Variants in DNM1 observed in about 807,000 individuals in gnomAD.
DNM1 encodes the protein dynamin 1, also known as dynamin-1.
Under a neutral mutation model 104.6 loss-of-function variants are expected in DNM1, and 29 were observed. The ratio of observed to expected loss-of-function variants is 0.28; its 90% confidence interval spans 0.21 to 0.38. The LOEUF is 0.38. Among genes scored for constraint, DNM1 ranks in the 10% least tolerant of loss-of-function variants. The probability of loss-of-function intolerance (pLI) is 1.00; values close to 1 mark genes in which losing one functional copy is unlikely to be tolerated. For missense variants in DNM1, 640 were observed against 1,189.4 expected (o/e 0.54, Z 6.79); for synonymous variants, 445 against 475.8 (o/e 0.94, Z 0.84).
intron 21 of DNM1, 36 bp downstream of exon 21, chr9:128,250,976 G>A (rs1339104623): frequency 1.6e-6 from 2 of 1,223,702 alleles, no homozygotes; most frequent in Non-Finnish European, 2.3e-6. Context: ...AGAGGCTGCC[G>A]GACGGGCGTG....
Position 128,203,582 on chromosome 9 carries a change from G to T in DNM1, c.112G>T (p.Gly38Cys). The change falls in exon 1 of 22, where the codon GGC becomes TGC. Residue 38 changes from glycine (G) to cysteine (C), a missense_variant. By Grantham distance (159) the Gly-to-Cys change is radical. Around this residue, in one of 7 missense-constraint regions of DNM1, gnomAD observed 172 missense variants for 335.3 expected, o/e 0.51. Transcript: ENST00000372923. This position sits in a 1 kb window ranked among gnomAD's most constrained non-coding sequence, Gnocchi z 5.3. ...DLDLPQIAVV[G>C]GQSAGKSSVL... is the part of the protein sequence containing the mutation. ...CGACCTGCCGCAGATCGCTGTGGTGGGCGGCCAGAGCGCCGGCAAGAGCTC... is the reference window on the plus strand; with the variant it reads ...CGACCTGCCGCAGATCGCTGTGGTGTGCGGCCAGAGCGCCGGCAAGAGCTC... 1 of 1,552,144 alleles carries T rather than the reference G, an allele frequency of 6.4e-7. No homozygotes were observed. Among genetic ancestry groups the T allele is most frequent in the Non-Finnish European group, 8.7e-7 (1 of 1,153,136 alleles).
At chr9:128,209,831 G>T (rs1200461662) in intron 1 of DNM1, among the ~76,000 whole-genome samples, 1 of 152,196 alleles carries the variant, frequency 6.6e-6, no homozygotes, top group Non-Finnish European at 1.5e-5. Flanking sequence ...TGGGGCATCT[G>T]AGCGTAGCCT....
Position 128,243,098 on chromosome 9 carries a change from C to G in DNM1, c.1671+753C>G, listed in dbSNP as rs1438448568. On this transcript the variant is annotated intron_variant, in intron 15 of 21. Coordinates refer to ENST00000372923, the MANE Select transcript of DNM1 (RefSeq NM_004408.4). This position sits in a 1 kb window ranked among gnomAD's most constrained non-coding sequence, Gnocchi z 4.0. ...ACCCCTGCAGTCCAAGGGAAATGAC[C>G]AGGGTGCCCTCAGGCTGAGGGGCAA... 6.6e-6 allele frequency among the ~76,000 whole-genome samples: 1 copy of G among 152,174 alleles called. No homozygotes were observed. Among genetic ancestry groups the G allele is most frequent in the East Asian group, 1.9e-4 (1 of 5,200 alleles).
intron 21 of DNM1, chr9:128,252,868 G>T (rs1476572738): frequency 2.0e-5 from 14 of 685,150 alleles, no homozygotes; most frequent in South Asian, 6.1e-5. Flanking sequence ...GCATGCCCCA[G>T]ATCCATGCTG....
In DNM1 at chr9:128,243,781, G is replaced by A. The variant is rs1403699018; in HGVS notation, c.1671+1436G>A. On this transcript the variant is annotated intron_variant, in intron 15 of 21. Coordinates refer to ENST00000372923, the MANE Select transcript of DNM1 (RefSeq NM_004408.4). The surrounding 1 kb of genome is among the most constrained non-coding windows in gnomAD (Gnocchi z 4.0). ...GTGACACTGTGGGGGAGGGGCACGT[G>A]CCACTGAGGGGGTCCCCTGATCTCA... Among the ~76,000 whole-genome samples, 1 of 152,154 alleles carries A rather than the reference G, an allele frequency of 6.6e-6. No homozygotes were observed. The highest frequency in any genetic ancestry group is 1.5e-5 in the Non-Finnish European group (1 of 68,018).
rs1835245576 is a variant in DNM1, at chr9:128,224,803, C to G, written c.1335+414C>G. The stretch of plus-strand genomic sequence containing the variant: ...ATGCAGGGCCTTCTCGGGCACTGCT[C>G]GGTGGGCCTGGGTGGCCAGAGGGGG... On this transcript the variant is annotated intron_variant, in intron 10 of 21. Coordinates refer to ENST00000372923, the MANE Select transcript of DNM1 (RefSeq NM_004408.4). This position sits in a 1 kb window ranked among gnomAD's most constrained non-coding sequence, Gnocchi z 4.3. Among the ~76,000 whole-genome samples the G allele has an allele frequency of 6.6e-6, 1 of 152,142 alleles. No homozygotes were observed. Among genetic ancestry groups the G allele is most frequent in the African/African-American group, 2.4e-5 (1 of 41,426 alleles).
Position 128,253,330 on chromosome 9 carries a change from A to T in DNM1, c.2535-1324A>T. The T allele has an allele frequency of 1.7e-6, 1 of 605,064 alleles. No individual in the cohort carries two copies. Among genetic ancestry groups the T allele is most frequent in the Non-Finnish European group, 2.9e-6 (1 of 339,678 alleles). The allele number at this position is 605,064 out of a possible 1,614,324, so 37.5% of individuals were successfully genotyped here. A position where few individuals can be genotyped will look rare whatever the true frequency, so the allele number is the denominator to read the frequency against. ...ACCTCCCTTCCCTGCGAGCCTCGGG[A>T]CTCAGTGCCACTGCCCAAGGCCTCC... On this transcript the variant is annotated intron_variant, in intron 21 of 21. Transcript: ENST00000372923. This position sits in a 1 kb window ranked among gnomAD's most constrained non-coding sequence, Gnocchi z 5.9.
At chr9:128,246,197 G>T (rs1337436450) in intron 15 of DNM1, among the ~76,000 whole-genome samples, 197 bp from the exon 16 acceptor site, 1 of 152,160 alleles carries the variant, frequency 6.6e-6, no homozygotes, top group African/African-American at 2.4e-5. Context: ...ATGCAGAGCT[G>T]GTAGGACTGG....
At chr9:128,227,985 C>T (rs1416225979) in intron 10 of DNM1, among the ~76,000 whole-genome samples, 1 of 151,182 alleles carries the variant, frequency 6.6e-6, no homozygotes, top group Admixed American at 6.6e-5. Context: ...AGTAGTGGGA[C>T]TTCAAGCACT....
rs1229058584 is a variant in DNM1, at chr9:128,243,239, T to C, written c.1671+894T>C. Among the ~76,000 whole-genome samples, 2 of 152,294 alleles carry C rather than the reference T, an allele frequency of 1.3e-5. No individual in the cohort carries two copies. Among genetic ancestry groups the C allele is most frequent in the Admixed American group, 6.5e-5 (1 of 15,302 alleles). ...CTGGTCTCCTTTAAGAATGAGTCTA[T>C]TTGGCTTTCACATCTGGATTCCAGA... On this transcript the variant is annotated intron_variant, in intron 15 of 21. Transcript: ENST00000372923. This position sits in a 1 kb window ranked among gnomAD's most constrained non-coding sequence, Gnocchi z 4.0.
intron 11 of DNM1, among the ~76,000 whole-genome samples, chr9:128,239,241 T>C (rs371381872): frequency 6.6e-6 from 1 of 150,676 alleles, no homozygotes; most frequent in East Asian, 2.0e-4. Flanking sequence ...CAAGCAATCC[T>C]CCCACTTCCA....
intron 1 of DNM1, among the ~76,000 whole-genome samples, chr9:128,212,834 G>A (rs1347736925): frequency 6.6e-6 from 1 of 152,146 alleles, no homozygotes; most frequent in Non-Finnish European, 1.5e-5. Flanking sequence ...ATGATCTTTG[G>A]TATATTCACA....
chr9:128,242,412 A>G (rs1436883717), intron 15 of DNM1, 67 bp downstream of exon 15: 4 of 905,026 alleles, frequency 4.4e-6, no homozygotes, highest in South Asian at 1.3e-5. Context: ...AGACCCTCCC[A>G]TGGGCTTGGA....
In DNM1 at chr9:128,220,283, C is replaced by A. The variant is rs778811040; in HGVS notation, c.791C>A (p.Ser264Tyr). 10 of 1,614,240 alleles carry A rather than the reference C, an allele frequency of 6.2e-6. No homozygotes were observed. Among genetic ancestry groups the A allele is most frequent in the Non-Finnish European group, 8.5e-6 (10 of 1,180,046 alleles). The change falls in exon 6 of 22, where the codon TCT becomes TAT. Residue 264 changes from serine to tyrosine, a missense_variant. This residue lies in a region of DNM1 where 81 missense variants were observed against 99.8 expected (regional missense o/e 0.81). Transcript: ENST00000372923. The surrounding 1 kb of genome is among the most constrained non-coding windows in gnomAD (Gnocchi z 5.2). ...AERKFFLSHPSYRHLADRMGT... is the reference protein window; with the variant it reads ...AERKFFLSHPYYRHLADRMGT... ...CGAAAGTTCTTCCTCTCCCATCCAT[C>A]TTATCGCCACTTGGCTGACCGTATG...
chr9:128,248,069 C>A lies in DNM1; in HGVS notation c.1905+134C>A. Reference sequence around the variant, plus strand: ...TGGGGCCAGGCGCAGTGGCTCACACCTGTAAACCCAACACTTTGGGAGGCC... The same window carrying A: ...TGGGGCCAGGCGCAGTGGCTCACACATGTAAACCCAACACTTTGGGAGGCC... On this transcript the variant is annotated intron_variant, in intron 18 of 21. Coordinates refer to ENST00000372923, the MANE Select transcript of DNM1 (RefSeq NM_004408.4). The surrounding 1 kb of genome is among the most constrained non-coding windows in gnomAD (Gnocchi z 5.6). 6 of 1,233,454 alleles carry A rather than the reference C, an allele frequency of 4.9e-6. No individual in the cohort carries two copies. Among genetic ancestry groups the A allele is most frequent in the Non-Finnish European group, 7.1e-6 (6 of 842,030 alleles). 76.4% of individuals were successfully genotyped at this position (1,233,454 alleles called of 1,614,324 possible). A position where few individuals can be genotyped will look rare whatever the true frequency, so the allele number is the denominator to read the frequency against.
rs146058129 is a variant in DNM1, at chr9:128,215,528, T to C, written c.162-2703T>C. On this transcript the variant is annotated intron_variant, in intron 1 of 21. Coordinates refer to ENST00000372923, the MANE Select transcript of DNM1 (RefSeq NM_004408.4). ...AGGGGTTGACCCCCAGACATGGCCCTGCCTCTAGTCTCTGCTTCCCAGAAG... is the reference window on the plus strand; with the variant it reads ...AGGGGTTGACCCCCAGACATGGCCCCGCCTCTAGTCTCTGCTTCCCAGAAG... Among the ~76,000 whole-genome samples the C allele has an allele frequency of 9.0e-3, 1,364 of 152,354 alleles. 22 individuals carry two copies. The highest frequency in any genetic ancestry group is 0.03 in the South Asian group (146 of 4,830).
intron 1 of DNM1, among the ~76,000 whole-genome samples, chr9:128,205,978 G>A (rs1833936740): frequency 6.6e-6 from 1 of 152,196 alleles, no homozygotes; most frequent in Admixed American, 6.5e-5. Flanking sequence ...GGGCAGGGGA[G>A]GGGGCTTAGG....
In DNM1 at chr9:128,242,281, G is replaced by C. The variant is rs754404446; in HGVS notation, c.1607G>C (p.Gly536Ala). ...LTINNIGIMK[G>A]GSKEYWFVLT... ...ATCAATAATATTGGCATCATGAAAGGGGGCTCCAAGGAGTACTGGTTTGTG... is the reference window on the plus strand; with the variant it reads ...ATCAATAATATTGGCATCATGAAAGCGGGCTCCAAGGAGTACTGGTTTGTG... Residue 536 changes from glycine to alanine, a missense_variant, in exon 15 of 22, where the codon GGG (glycine) becomes GCG (alanine). Transcript: ENST00000372923. 6.2e-7 allele frequency: 1 copy of C among 1,613,624 alleles called. No homozygotes were observed. Among genetic ancestry groups the C allele is most frequent in the South Asian group, 1.1e-5 (1 of 91,072 alleles).
chr9:128,206,524 C>T (rs1011067634), intron 1 of DNM1, among the ~76,000 whole-genome samples: 5 of 152,016 alleles, frequency 3.3e-5, no homozygotes, highest in African/African-American at 9.7e-5. Context: ...ATGTGGTGAA[C>T]GTCAGGGAGG....
Sources: gnomAD v4.1 joint callset for allele counts (sites outside exome capture counted in the v4.1 genomes callset) on GRCh38, gnomAD v4.1.1 for gene constraint, gnomAD v4.1.1 regional missense constraint, Gnocchi (gnomAD v3.1) non-coding constraint, MANE v1.5 for transcripts, NCBI Gene and HGNC (gene_info 2026-07-23, HGNC 2026-07-21) for gene names.